Variants in HECW2 observed in about 807,000 individuals in gnomAD.
HECW2 encodes the protein E3 ubiquitin-protein ligase HECW2.
A neutral mutation model predicts 175.2 loss-of-function variants in HECW2; 61 were observed. The ratio of observed to expected loss-of-function variants is 0.35; its 90% CI spans 0.28 to 0.43. HECW2 has a LOEUF of 0.43. Among genes scored for constraint, HECW2 ranks in the 20% least tolerant of loss-of-function variants. The pLI, the probability that HECW2 is intolerant of heterozygous loss-of-function variation, is 1.00. For missense variants in HECW2, 1,524 were observed against 2,000.5 expected, an observed-to-expected ratio of 0.76 and a Z score of 4.54; for synonymous variants, 671 against 731.0, an observed-to-expected ratio of 0.92 and a Z score of 1.32.
In HECW2 at chr2:196,298,468, C is replaced by G. The variant is rs145694851; in HGVS notation, c.2815-5718G>C. ...TAAGGATTACTAGGTATTACAACTA[C>G]ACGTAATCTATTTTTCTTTTTTTTT... On this transcript the variant is annotated intron_variant, in intron 13 of 28. Coordinates refer to ENST00000644978, the MANE Select transcript of HECW2 (RefSeq NM_001348768.2). 5.8e-3 allele frequency among the ~76,000 whole-genome samples: 877 copies of G among 152,276 alleles called. 7 individuals carry two copies. Among genetic ancestry groups the G allele is most frequent in the Middle Eastern group, 0.021 (6 of 292 alleles).
chr2:196,520,315 C>A (rs1309198763), intron 1 of HECW2, among the ~76,000 whole-genome samples: 1 of 151,562 alleles, frequency 6.6e-6, no homozygotes, highest in Non-Finnish European at 1.5e-5. Flanking sequence ...GCCATTAAGG[C>A]TGGCATCTTA....
chr2:196,484,053 T>C (rs1686925147), intron 1 of HECW2, among the ~76,000 whole-genome samples: 2 of 152,208 alleles, frequency 1.3e-5, no homozygotes, highest in African/African-American at 2.4e-5. Context: ...GAAGTATCTC[T>C]TCTGAGACTG....
chr2:196,558,932 TTA>T (rs1689899496), intron 1 of HECW2, among the ~76,000 whole-genome samples: 3 of 152,208 alleles, frequency 2.0e-5, no homozygotes, highest in South Asian at 4.1e-4. Context: ...TAATGTGAAC[TTA>T]CCATTCAATG....
chr2:196,451,205 G>A (rs1395140650), intron 1 of HECW2, among the ~76,000 whole-genome samples: 2 of 152,080 alleles, frequency 1.3e-5, no homozygotes, highest in Non-Finnish European at 2.9e-5. Flanking sequence ...GGAGGCCGAG[G>A]CGGGTGGATC....
intron 1 of HECW2, among the ~76,000 whole-genome samples, chr2:196,491,501 T>TACAC (rs56806806): frequency 2.3e-4 from 29 of 125,976 alleles, no homozygotes; most frequent in South Asian, 9.3e-4. Context: ...TATATATATA[T>TACAC]ACACACACAC....
intron 5 of HECW2, among the ~76,000 whole-genome samples, chr2:196,327,771 T>A (rs1261945265): frequency 1.3e-5 from 2 of 152,200 alleles, no homozygotes; most frequent in African/African-American, 2.4e-5. Flanking sequence ...AAACAGATGT[T>A]AGGTAGCTAG....
intron 1 of HECW2, among the ~76,000 whole-genome samples, chr2:196,581,322 G>A (rs1690772673): frequency 6.6e-6 from 1 of 152,074 alleles, no homozygotes; most frequent in Non-Finnish European, 1.5e-5. Flanking sequence ...ATCACTTGAG[G>A]TCAGGAGTTC....
chr2:196,366,209 C>A (rs1693738782), intron 2 of HECW2, among the ~76,000 whole-genome samples: 1 of 152,082 alleles, frequency 6.6e-6, no homozygotes, highest in South Asian at 2.1e-4. Context: ...TTCCCAGAAC[C>A]CTGCACAATT....
chr2:196,420,227 T>G (rs1255227715), intron 2 of HECW2, among the ~76,000 whole-genome samples: 1 of 152,260 alleles, frequency 6.6e-6, no homozygotes. Flanking sequence ...GTTGAAAATC[T>G]GAGTTGCTCA....
At chr2:196,265,271 G>A (rs1327089778) in intron 17 of HECW2, among the ~76,000 whole-genome samples, 2 of 152,304 alleles carry the variant, frequency 1.3e-5, no homozygotes, top group African/African-American at 4.8e-5. Flanking sequence ...GATCACTTGA[G>A]GCCAGGAGTT....
chr2:196,370,071 C>G (rs946315496), intron 2 of HECW2, among the ~76,000 whole-genome samples: 1 of 151,976 alleles, frequency 6.6e-6, no homozygotes, highest in African/African-American at 2.4e-5. Context: ...CTTCCCTCTT[C>G]TTTTCTCAAG....
chr2:196,411,880 C>T (rs1559095307), intron 2 of HECW2, among the ~76,000 whole-genome samples: 1 of 152,170 alleles, frequency 6.6e-6, no homozygotes, highest in Non-Finnish European at 1.5e-5. Context: ...TGTAGTGGCG[C>T]ACACCTGTAG....
intron 1 of HECW2, among the ~76,000 whole-genome samples, chr2:196,475,087 A>T (rs1425327055): frequency 6.6e-6 from 1 of 151,968 alleles, no homozygotes; most frequent in Admixed American, 6.6e-5. Context: ...CAACAACCAA[A>T]GGCCCTTTCT....
chr2:196,398,129 G>A (rs1424278969), intron 2 of HECW2, among the ~76,000 whole-genome samples: 4 of 5,428 alleles, frequency 7.4e-4, no homozygotes, highest in Admixed American at 2.8e-3. Context: ...TGGGTGGGTG[G>A]GGGAGTTAGG....
At chr2:196,527,681 CAG>C (rs1291910373) in intron 1 of HECW2, among the ~76,000 whole-genome samples, 4 of 152,138 alleles carry the variant, frequency 2.6e-5, no homozygotes, top group Non-Finnish European at 5.9e-5. Flanking sequence ...ATATACAAAA[CAG>C]AATACTATAT....
intron 14 of HECW2, among the ~76,000 whole-genome samples, chr2:196,279,270 A>G (rs6434835): frequency 0.82 from 124,957 of 152,066 alleles, 54,032 homozygotes; most frequent in East Asian, 0.95. Flanking sequence ...GGATAGTCTC[A>G]ATCTCCTGAC....
chr2:196,502,563 TTA>T (rs1687613289), intron 1 of HECW2, among the ~76,000 whole-genome samples: 1 of 152,258 alleles, frequency 6.6e-6, no homozygotes, highest in African/African-American at 2.4e-5. Context: ...ATGTGACTGA[TTA>T]TGTTATACAT....
intron 1 of HECW2, among the ~76,000 whole-genome samples, chr2:196,470,562 T>C (rs892103530): frequency 6.6e-6 from 1 of 152,230 alleles, no homozygotes; most frequent in Non-Finnish European, 1.5e-5. Context: ...CAATGATTCT[T>C]GGTTGCCCAT....
At chr2:196,443,965 G>A (rs1298115162) in intron 1 of HECW2, among the ~76,000 whole-genome samples, 1 of 152,208 alleles carries the variant, frequency 6.6e-6, no homozygotes, top group Non-Finnish European at 1.5e-5. Context: ...AGCCTGAGAG[G>A]TGGTAGTGGC....
Sources: allele counts gnomAD v4.1 joint callset (sites outside exome capture counted in the v4.1 genomes callset), GRCh38; gene constraint gnomAD v4.1.1; transcripts MANE v1.5; gene names NCBI Gene and HGNC (gene_info 2026-07-23, HGNC 2026-07-21).